Variants in SYNE3 observed in about 807,000 individuals in gnomAD.
The protein encoded by SYNE3 is spectrin repeat containing nuclear envelope family member 3.
Under a neutral mutation model 111.2 loss-of-function variants are expected in SYNE3, and 100 were observed. That is an observed-to-expected ratio of 0.90 (90% CI 0.77 to 1.06). The LOEUF (loss-of-function observed/expected upper bound fraction) is 1.06, where lower values mean the gene tolerates loss of function less well. SYNE3 is among the 50% of genes least tolerant of loss of function. SYNE3 has a pLI of 0.00. For synonymous variants in SYNE3, 547 were observed against 533.9 expected (o/e 1.02, Z -0.34); for missense variants, 1,160 against 1,240.3 (o/e 0.94, Z 0.97).
chr14:95,472,348 G>A (rs1888580076), intron 2 of SYNE3, among the ~76,000 whole-genome samples: 1 of 152,198 alleles, frequency 6.6e-6, no homozygotes, highest in African/African-American at 2.4e-5. Context: ...CTGCACTCCA[G>A]CCTGGGCAAC....
At chr14:95,492,500 G>C (rs981690973) in intron 1 of SYNE3, among the ~76,000 whole-genome samples, 20 of 152,370 alleles carry the variant, frequency 1.3e-4, no homozygotes, top group African/African-American at 4.6e-4. Context: ...CTAAATGAAA[G>C]AAGCCAGTCA....
chr14:95,436,140 A>C (rs1221934772), intron 15 of SYNE3, among the ~76,000 whole-genome samples: 1 of 152,174 alleles, frequency 6.6e-6, no homozygotes, highest in Non-Finnish European at 1.5e-5. Flanking sequence ...CCATATCCAT[A>C]CCCACTGCAA....
At chr14:95,476,903 G>A (rs1888919582) in intron 1 of SYNE3, among the ~76,000 whole-genome samples, 1 of 152,212 alleles carries the variant, frequency 6.6e-6, no homozygotes, top group Admixed American at 6.5e-5. Flanking sequence ...AATTATAGGG[G>A]ATTGCTTAAG....
intron 15 of SYNE3, 48 bp from the exon 16 acceptor site, chr14:95,433,457 A>AATG: frequency 6.2e-7 from 1 of 1,606,398 alleles, no homozygotes; most frequent in Admixed American, 1.7e-5. Flanking sequence ...TGGCCCAGAC[A>AATG]GCCCCACCTG....
intron 11 of SYNE3, among the ~76,000 whole-genome samples, chr14:95,442,583 A>C (rs1297780663): frequency 1.3e-5 from 2 of 152,156 alleles, no homozygotes; most frequent in East Asian, 3.9e-4. Context: ...TGGGGCCTGG[A>C]GTCTGCATTT....
chr14:95,439,683 C>T lies in SYNE3; in HGVS notation c.2175G>A (p.Val725=). The T allele has an allele frequency of 6.2e-7, 1 of 1,614,152 alleles. No homozygotes were observed. The highest frequency in any genetic ancestry group is 8.5e-7 in the Non-Finnish European group (1 of 1,180,030). The part of the protein sequence containing the change: ...MEKSSPEGAA[V]VQEELRELAE... ...CCAGCTCCCTGAGCTCCTCCTGCAC[C>T]ACGGCAGCACCCTCCGGAGAAGACT... is the stretch of plus-strand genomic sequence containing the variant. The change falls in exon 13 of 18, where the codon GTG becomes GTA. Residue 725 remains valine, a synonymous_variant. Transcript: ENST00000682763.
intron 1 of SYNE3, among the ~76,000 whole-genome samples, chr14:95,493,200 T>G (rs947849416): frequency 6.6e-6 from 1 of 152,204 alleles, no homozygotes; most frequent in Non-Finnish European, 1.5e-5. Context: ...AGAAGCTGCT[T>G]GAGACCTTTT....
intron 2 of SYNE3, among the ~76,000 whole-genome samples, chr14:95,469,530 A>AT (rs1406520841): frequency 2.7e-5 from 3 of 111,468 alleles, no homozygotes; most frequent in African/African-American, 1.0e-4. Flanking sequence ...CCATGTCTCT[A>AT]CAAAAAAAAA....
intron 17 of SYNE3, among the ~76,000 whole-genome samples, chr14:95,427,814 C>G (rs1885524750): frequency 6.6e-6 from 1 of 152,110 alleles, no homozygotes; most frequent in Non-Finnish European, 1.5e-5. Flanking sequence ...TCTTTTATCT[C>G]TTTGTCTTGT....
At chr14:95,442,797 G>T in intron 11 of SYNE3, among the ~76,000 whole-genome samples, 1 of 152,224 alleles carries the variant, frequency 6.6e-6, no homozygotes. Flanking sequence ...GATCTCAGCA[G>T]CCTGCTCTCT....
At chr14:95,484,469 C>T (rs971647372) in intron 1 of SYNE3, among the ~76,000 whole-genome samples, 3 of 152,130 alleles carry the variant, frequency 2.0e-5, no homozygotes, top group South Asian at 2.1e-4. Flanking sequence ...GCAGTGTGGG[C>T]GGAGCCGGTC....
intron 1 of SYNE3, among the ~76,000 whole-genome samples, chr14:95,487,457 G>A (rs535816545): frequency 6.6e-6 from 1 of 152,202 alleles, no homozygotes; most frequent in African/African-American, 2.4e-5. Context: ...TTGCTGGCAC[G>A]AACCACAGGA....
Position 95,408,843 on chromosome 14 carries a change from C to T in SYNE3, c.*8983G>A, listed in dbSNP as rs747642116. The T allele has an allele frequency of 4.5e-4, 143 of 315,878 alleles. 1 individual carries two copies. The highest frequency in any genetic ancestry group is 5.5e-4 in the Non-Finnish European group (88 of 160,338). 19.6% of individuals were successfully genotyped at this position (315,878 alleles called of 1,614,324 possible). On this transcript the variant is annotated 3_prime_UTR_variant, in exon 18 of 18. Coordinates refer to ENST00000682763, the MANE Select transcript of SYNE3 (RefSeq NM_152592.6). ...TTGGAACTGCTCAGCAGGCAGAGAC[C>T]GCGCAAAGCCAACTCTGTCCTCTGC...
At position 95,409,101 on chromosome 14, in the gene SYNE3, C is replaced by T. The variant is rs755817583; in HGVS notation, c.*8725G>A. 38 of 451,982 alleles carry T rather than the reference C, an allele frequency of 8.4e-5. No individual in the cohort carries two copies. The highest frequency in any genetic ancestry group is 1.3e-4 in the Non-Finnish European group (28 of 223,328). The allele number at this position is 451,982 out of a possible 1,614,324, so 28.0% of individuals were successfully genotyped here. A position where few individuals can be genotyped will look rare whatever the true frequency, so the allele number is the denominator to read the frequency against. On this transcript the variant is annotated 3_prime_UTR_variant, in exon 18 of 18. Coordinates refer to ENST00000682763, the MANE Select transcript of SYNE3 (RefSeq NM_152592.6). ...CAGCTGCCAGAGTGGCAGCAGCCCGCGGCCTGCAAAGGAAAGGAAAGCAAC... is the reference window on the plus strand; with the variant it reads ...CAGCTGCCAGAGTGGCAGCAGCCCGTGGCCTGCAAAGGAAAGGAAAGCAAC...
At chr14:95,507,476 G>A (rs1296724455) in intron 1 of SYNE3, among the ~76,000 whole-genome samples, 5 of 152,166 alleles carry the variant, frequency 3.3e-5, no homozygotes, top group Admixed American at 1.3e-4. Context: ...AGGAACTTAC[G>A]GGGCTATCCT....
At chr14:95,504,649 T>G (rs1890461775) in intron 1 of SYNE3, among the ~76,000 whole-genome samples, 1 of 152,110 alleles carries the variant, frequency 6.6e-6, no homozygotes, top group South Asian at 2.1e-4. Flanking sequence ...GGTCCCACCT[T>G]CCCAGGGCCT....
At chr14:95,468,075 A>C in intron 2 of SYNE3, 108 bp from the exon 3 acceptor site, 3 of 1,306,610 alleles carry the variant, frequency 2.3e-6, no homozygotes, top group Non-Finnish European at 3.1e-6. Flanking sequence ...AGGCCAGAGG[A>C]TCTGGGATTC....
At position 95,407,761 on chromosome 14, in the gene SYNE3, A is replaced by C. The variant is rs1231864068; in HGVS notation, c.*10065T>G. Reference sequence around the variant, plus strand: ...CACACACAAGTGTGAACGCATACACAAACACACACACACAGACACACACAC... The same window carrying C: ...CACACACAAGTGTGAACGCATACACCAACACACACACACAGACACACACAC... On this transcript the variant is annotated 3_prime_UTR_variant, in exon 18 of 18. Transcript: ENST00000682763. 1 of 149,794 alleles carries C rather than the reference A, an allele frequency of 6.7e-6. No homozygotes were observed. Among genetic ancestry groups the C allele is most frequent in the African/African-American group, 2.4e-5 (1 of 41,196 alleles). The allele number at this position is 149,794 out of a possible 1,614,324, so 9.3% of individuals were successfully genotyped here.
At chr14:95,427,763 G>A (rs914983877) in intron 17 of SYNE3, among the ~76,000 whole-genome samples, 8 of 122,874 alleles carry the variant, frequency 6.5e-5, no homozygotes, top group South Asian at 3.2e-4. Context: ...ACCGGTCTCT[G>A]TGTCTTGGTG....
Sources: allele counts gnomAD v4.1 joint callset (sites outside exome capture counted in the v4.1 genomes callset), GRCh38; gene constraint gnomAD v4.1.1; transcripts MANE v1.5; gene names NCBI Gene and HGNC (gene_info 2026-07-23, HGNC 2026-07-21).